The following ZNF37A variants were observed in gnomAD, a reference collection of about 807,000 sequenced individuals.
ZNF37A encodes zinc finger protein 37a (KOX 21).
A neutral mutation model predicts 12.3 loss-of-function variants in ZNF37A; 10 were observed. That is an observed-to-expected ratio of 0.82 (90% CI 0.50 to 1.38). ZNF37A has a LOEUF of 1.38. Among genes scored for constraint, ZNF37A ranks in the 40% most tolerant of loss-of-function variants. ZNF37A has a pLI of 0.00. For synonymous variants in ZNF37A, 207 were observed against 223.0 expected, an observed-to-expected ratio of 0.93 and a Z score of 0.64; for missense variants, 580 against 651.2, an observed-to-expected ratio of 0.89 and a Z score of 1.19.
downstream of ZNF37A, among the ~76,000 whole-genome samples, chr10:38,129,283 G>A (rs888350424): frequency 3.6e-5 from 3 of 82,364 alleles, no homozygotes; most frequent in Admixed American, 1.3e-4. Context: ...TCCAGCCTGG[G>A]TGACAGAGCA....
Position 38,120,381 on chromosome 10 carries a change from A to C in ZNF37A, c.*1544A>C, listed in dbSNP as rs1269542598. On this transcript the variant is annotated 3_prime_UTR_variant, in exon 8 of 8. Transcript: ENST00000685332. ...GAGGTGGGGGTTTCAGTGAGCTGAG[A>C]TCATGCCACTGCACTCCAGCCTGAG... 1.3e-5 allele frequency: 2 copies of C among 152,272 alleles called. No homozygotes were observed. Among genetic ancestry groups the C allele is most frequent in the African/African-American group, 2.4e-5 (1 of 41,414 alleles). The allele number at this position is 152,272 out of a possible 1,614,324, so 9.4% of individuals were successfully genotyped here.
At chr10:38,133,958 G>A (rs2505259) in intron 7 of ZNF37A, among the ~76,000 whole-genome samples, 66,877 of 151,934 alleles carry the variant, frequency 0.44, 14,943 homozygotes, top group East Asian at 0.54. Context: ...ACATAGTCCC[G>A]TATTTCTTGG....
chr10:38,116,428 A>G (rs1489514028), intron 7 of ZNF37A, among the ~76,000 whole-genome samples: 1 of 152,204 alleles, frequency 6.6e-6, no homozygotes, highest in African/African-American at 2.4e-5. Context: ...TGGGAAGGAA[A>G]CTTTTTAAAA....
At chr10:38,147,108 T>G (rs1223809753) in exon 8 of ZNF37A, 1 of 189,924 alleles carries the variant, frequency 5.3e-6, no homozygotes, top group Non-Finnish European at 1.1e-5. Flanking sequence ...TGAGCAGTTT[T>G]CCGCTCTGGG....
intron 1 of ZNF37A, among the ~76,000 whole-genome samples, 163 bp from the exon 2 acceptor site, chr10:38,094,768 G>T (rs1322314636): frequency 6.6e-6 from 1 of 152,156 alleles, no homozygotes; most frequent in African/African-American, 2.4e-5. Context: ...TCAGAATCTC[G>T]CTGTCCTCAC....
At chr10:38,148,359 A>C (rs1359567487) in exon 8 of ZNF37A, 1 of 152,262 alleles carries the variant, frequency 6.6e-6, no homozygotes, top group East Asian at 1.9e-4. Context: ...CAAACTGTCC[A>C]ATCCCCTCCC....
At chr10:38,129,643 C>G (rs2069991244), downstream of ZNF37A, among the ~76,000 whole-genome samples, 1 of 152,158 alleles carries the variant, frequency 6.6e-6, no homozygotes, top group Admixed American at 6.6e-5. Flanking sequence ...AGAACTGTAG[C>G]TTCAAAACAT....
chr10:38,107,360 A>G (rs1436337931), intron 5 of ZNF37A, among the ~76,000 whole-genome samples: 1 of 152,226 alleles, frequency 6.6e-6, no homozygotes, highest in East Asian at 1.9e-4. Context: ...AGGAAGCACT[A>G]AACATGGAAA....
chr10:38,096,680 G>T lies in ZNF37A; in HGVS notation c.15+48G>T, dbSNP rs762906086. ...GTTTTGCTTAAAAGTAATTATTGAG[G>T]TTTAAAAAATGTCTATACATTCATA... On this transcript the variant is annotated intron_variant, in intron 5 of 7. Transcript: ENST00000685332. 8 of 1,582,892 alleles carry T rather than the reference G, an allele frequency of 5.1e-6. No homozygotes were observed. In the South Asian group the frequency reaches 6.7e-5, roughly 13 times the overall value.
chr10:38,132,788 G>A (rs1382241040), intron 7 of ZNF37A, among the ~76,000 whole-genome samples: 1 of 148,980 alleles, frequency 6.7e-6, no homozygotes, highest in Admixed American at 6.8e-5. Flanking sequence ...TGCATCTGTA[G>A]TTGGTTTACT....
intron 7 of ZNF37A, among the ~76,000 whole-genome samples, chr10:38,133,687 G>A (rs570158105): frequency 1.6e-4 from 24 of 152,192 alleles, no homozygotes; most frequent in African/African-American, 4.3e-4. Flanking sequence ...GTGTATATGT[G>A]CCACATTTTC....
At chr10:38,139,496 T>C (rs958761080) in intron 7 of ZNF37A, 3 of 152,158 alleles carry the variant, frequency 2.0e-5, no homozygotes, top group Non-Finnish European at 4.4e-5. Context: ...GCCTCCTGAG[T>C]AGCTGGGACT....
chr10:38,096,043 G>A (rs780306248), intron 4 of ZNF37A, among the ~76,000 whole-genome samples: 31 of 151,994 alleles, frequency 2.0e-4, no homozygotes, highest in Non-Finnish European at 3.8e-4. Flanking sequence ...AAAATTAGCC[G>A]GGTGTGGTGG....
At chr10:38,109,195 A>G (rs2068414530) in intron 5 of ZNF37A, among the ~76,000 whole-genome samples, 1 of 152,212 alleles carries the variant, frequency 6.6e-6, no homozygotes, top group Non-Finnish European at 1.5e-5. Flanking sequence ...AAATTAATAA[A>G]TGTACTCCTT....
exon 8 of ZNF37A, chr10:38,147,262 CT>C (rs2070266677): frequency 6.6e-6 from 1 of 151,906 alleles, no homozygotes; most frequent in Non-Finnish European, 1.5e-5. Context: ...GGCTTAGGGC[CT>C]GTTCCCAGCA....
At chr10:38,149,098 A>G (rs1315581536) in exon 8 of ZNF37A, 1 of 152,094 alleles carries the variant, frequency 6.6e-6, no homozygotes, top group African/African-American at 2.4e-5. Context: ...TTCACCTCCC[A>G]AAGTGCTGGA....
At chr10:38,099,924 T>G (rs1452728935) in intron 5 of ZNF37A, among the ~76,000 whole-genome samples, 1 of 152,234 alleles carries the variant, frequency 6.6e-6, no homozygotes, top group Non-Finnish European at 1.5e-5. Context: ...ATATCTTTTA[T>G]GGTGAAATGT....
downstream of ZNF37A, chr10:38,124,682 A>G (rs904484068): frequency 1.3e-4 from 20 of 152,360 alleles, no homozygotes; most frequent in Non-Finnish European, 2.8e-4. Context: ...TACAATTTCA[A>G]TAAAGCTCCC....
chr10:38,117,778 C>G lies in ZNF37A; in HGVS notation c.627C>G (p.Ile209Met). ...ATGGTAATGAATGTGGAGAAAATAT[C>G]TTTGAGGAATCCATTCTCCTTGAAC... ...NHYGNECGEN[I>M]FEESILLEHQ... is the part of the protein sequence containing the mutation. Residue 209 changes from isoleucine to methionine, a missense_variant, in exon 8 of 8, where the codon ATC (isoleucine) becomes ATG (methionine). Transcript: ENST00000685332. 1 of 1,613,972 alleles carries G rather than the reference C, an allele frequency of 6.2e-7. No individual in the cohort carries two copies. Among genetic ancestry groups the G allele is most frequent in the Non-Finnish European group, 8.5e-7 (1 of 1,179,974 alleles).
Sources: gnomAD v4.1 joint callset for allele counts (sites outside exome capture counted in the v4.1 genomes callset) on GRCh38, gnomAD v4.1.1 for gene constraint, MANE v1.5 for transcripts, NCBI Gene and HGNC (gene_info 2026-07-23, HGNC 2026-07-21) for gene names.